The following HERC6 variants were observed in gnomAD, a reference collection of about 807,000 sequenced individuals.
HERC6 encodes HECT and RLD domain containing E3 ubiquitin protein ligase family member 6.
HERC6 carries 101 observed loss-of-function variants against 114.5 expected under a neutral mutation model. The ratio of observed to expected loss-of-function variants is 0.88; its 90% CI spans 0.75 to 1.04. The LOEUF is 1.04. Among genes scored for constraint, HERC6 ranks in the 50% least tolerant of loss-of-function variants. The pLI, the probability that HERC6 is intolerant of heterozygous loss-of-function variation, is 0.00. For synonymous variants in HERC6, 408 were observed against 436.2 expected (o/e 0.94, Z 0.81); for missense variants, 1,133 against 1,230.9 (o/e 0.92, Z 1.19).
At chr4:88,394,836 C>A (rs1039693672) in intron 5 of HERC6, among the ~76,000 whole-genome samples, 1 of 152,164 alleles carries the variant, frequency 6.6e-6, no homozygotes, top group Non-Finnish European at 1.5e-5. Context: ...TGAGCCACTG[C>A]GCCCGGCCCC....
chr4:88,394,182 A>G (rs1735075934), intron 5 of HERC6, among the ~76,000 whole-genome samples: 1 of 152,140 alleles, frequency 6.6e-6, no homozygotes, highest in Admixed American at 6.5e-5. Context: ...TACCTACTAA[A>G]TTAGGTTAAT....
At chr4:88,382,639 G>A (rs1734379948) in intron 1 of HERC6, among the ~76,000 whole-genome samples, 1 of 152,186 alleles carries the variant, frequency 6.6e-6, no homozygotes, top group Admixed American at 6.6e-5. Flanking sequence ...GTAATTGAAT[G>A]TTTTTAAGAG....
At chr4:88,383,051 T>C in intron 1 of HERC6, 170 bp from the exon 2 acceptor site, 1 of 730,434 alleles carries the variant, frequency 1.4e-6, no homozygotes, top group Non-Finnish European at 2.2e-6. Context: ...ACATTGAATT[T>C]ACTTCCTTCA....
At chr4:88,383,427 C>A in intron 2 of HERC6, 47 bp downstream of exon 2, 2 of 1,397,056 alleles carry the variant, frequency 1.4e-6, no homozygotes, top group South Asian at 1.6e-5. Context: ...TATATAGTAC[C>A]ATGTGCCAGG....
At chr4:88,386,059 T>TGAGAGTCTA (rs1734558617) in intron 3 of HERC6, among the ~76,000 whole-genome samples, 1 of 152,112 alleles carries the variant, frequency 6.6e-6, no homozygotes, top group Non-Finnish European at 1.5e-5. Context: ...CCACCCTCAA[T>TGAGAGTCTA]CCAAATTTCT....
intron 20 of HERC6, 32 bp from the exon 21 acceptor site, chr4:88,439,842 C>CTTTTTTTTTTT (rs537714979): frequency 4.0e-6 from 4 of 999,998 alleles, no homozygotes; most frequent in Non-Finnish European, 5.3e-6. Flanking sequence ...TCCTTCCTTT[C>CTTTTTTTTTTT]TTTTTTTTTT....
At chr4:88,380,445 G>A (rs1311950155) in intron 1 of HERC6, among the ~76,000 whole-genome samples, 1 of 125,496 alleles carries the variant, frequency 8.0e-6, no homozygotes, top group South Asian at 2.2e-4. Context: ...TAGGCCGGAC[G>A]CGGTGGCTTA....
intron 8 of HERC6, among the ~76,000 whole-genome samples, chr4:88,400,890 G>A (rs1735499821): frequency 6.6e-6 from 1 of 151,826 alleles, no homozygotes; most frequent in Non-Finnish European, 1.5e-5. Context: ...TATTATTTAT[G>A]GTTTCAGGCA....
At chr4:88,420,969 A>C (rs1295779797) in intron 13 of HERC6, among the ~76,000 whole-genome samples, 1 of 152,102 alleles carries the variant, frequency 6.6e-6, no homozygotes, top group Non-Finnish European at 1.5e-5. Flanking sequence ...AGCCCTAGGC[A>C]ATCACTAATC....
chr4:88,406,181 G>A (rs1196814072), intron 10 of HERC6, among the ~76,000 whole-genome samples: 3 of 152,264 alleles, frequency 2.0e-5, no homozygotes, highest in Non-Finnish European at 4.4e-5. Flanking sequence ...AGGAGAAATA[G>A]CAGTGTAGAG....
intron 22 of HERC6, among the ~76,000 whole-genome samples, chr4:88,441,362 C>T (rs935856524): frequency 1.3e-4 from 20 of 152,190 alleles, no homozygotes; most frequent in African/African-American, 4.6e-4. Flanking sequence ...TAACAGCAAC[C>T]CTACGAGGTA....
intron 19 of HERC6, 40 bp downstream of exon 19, chr4:88,437,011 T>C (rs771467868): frequency 2.1e-6 from 3 of 1,416,580 alleles, no homozygotes; most frequent in Non-Finnish European, 9.6e-7. Context: ...TTAGCTTTAA[T>C]CTGTTTCTAA....
chr4:88,396,096 C>A lies in HERC6; in HGVS notation c.841C>A (p.Leu281Ile). The A allele has an allele frequency of 3.7e-6, 6 of 1,605,986 alleles. No homozygotes were observed. The highest frequency in any genetic ancestry group is 5.1e-6 in the Non-Finnish European group (6 of 1,175,966). Residue 281 changes from leucine to isoleucine, a missense_variant, in exon 6 of 23, where the codon CTT (leucine) becomes ATT (isoleucine). By Grantham distance (5) the Leu-to-Ile change is conservative. This residue lies in a region of HERC6 where 735 missense variants were observed against 754.0 expected (regional missense o/e 0.97). Transcript: ENST00000264346. Reference protein sequence around the residue: ...SPTPEKRGPQLVERIDGLVSQ... With the variant: ...SPTPEKRGPQIVERIDGLVSQ... The stretch of plus-strand genomic sequence containing the variant: ...CACTCCTGAGAAGAGAGGTCCACAA[C>A]TTGTGGAAAGAATTGATGGCCTAGT...
chr4:88,385,711 C>G, intron 3 of HERC6, 136 bp downstream of exon 3: 1 of 570,856 alleles, frequency 1.8e-6, no homozygotes, highest in Non-Finnish European at 3.1e-6. Context: ...ATATTGTTTT[C>G]CTATTTTTTT....
chr4:88,432,550 G>A lies in HERC6; in HGVS notation c.2250+1245G>A, dbSNP rs553553332. On this transcript the variant is annotated intron_variant, in intron 17 of 22. Transcript: ENST00000264346. ...GCCTGGCCAGCCTGGCCAACCTGGC[G>A]AAACACTGTCTCTACTAAAAATACA... Among the ~76,000 whole-genome samples, 19 of 152,068 alleles carry A rather than the reference G, an allele frequency of 1.2e-4. No homozygotes were observed. The South Asian group carries it at 3.7e-3, about 30-fold the overall frequency.
At chr4:88,390,909 A>G (rs1578373705) in intron 4 of HERC6, 30 bp downstream of exon 4, 3 of 1,558,144 alleles carry the variant, frequency 1.9e-6, no homozygotes, top group Non-Finnish European at 2.6e-6. Context: ...TGTGCAGTAA[A>G]TCATTCTTTC....
Position 88,428,749 on chromosome 4 carries a change from T to C in HERC6, c.2105T>C (p.Val702Ala). 6.5e-7 allele frequency: 1 copy of C among 1,539,060 alleles called. No homozygotes were observed. The change falls in exon 16 of 23, where the codon GTG (valine) becomes GCG (alanine). Residue 702 changes from valine (V) to alanine (A), a missense_variant and splice_region_variant. Transcript: ENST00000264346. ...AEATDFCKVL[V>A]VEFINEICPE... ...GCTACTGACTTCTGCAAAGTATTAG[T>C]GGTACAGTAAAAAGTCTCATTGAAC...
chr4:88,395,467 C>T (rs1266439963), intron 5 of HERC6, among the ~76,000 whole-genome samples: 1 of 152,036 alleles, frequency 6.6e-6, no homozygotes, highest in African/African-American at 2.4e-5. Context: ...TTATGCTATA[C>T]AATATTATGT....
intron 13 of HERC6, among the ~76,000 whole-genome samples, chr4:88,422,534 G>A (rs1231002050): frequency 1.3e-5 from 2 of 152,086 alleles, no homozygotes; most frequent in Non-Finnish European, 2.9e-5. Context: ...TTCTGCATAC[G>A]ATGGCAAAAT....
Sources: allele counts gnomAD v4.1 joint callset (sites outside exome capture counted in the v4.1 genomes callset), GRCh38; gene constraint gnomAD v4.1.1; regional missense constraint gnomAD v4.1.1; transcripts MANE v1.5; gene names NCBI Gene and HGNC (gene_info 2026-07-23, HGNC 2026-07-21).